Variants in TMEM272 observed in about 807,000 individuals in gnomAD.
TMEM272 encodes the protein long intergenic non-protein coding RNA 282.
TMEM272 carries 8 observed loss-of-function variants against 3.7 expected under a neutral mutation model. That is an observed-to-expected ratio of 2.17 (90% CI 1.27 to 3.91). The LOEUF is 3.91. TMEM272 is among the 30% of genes most tolerant of loss of function. The pLI, the probability that TMEM272 is intolerant of heterozygous loss-of-function variation, is 0.00. For missense variants in TMEM272, 166 were observed against 91.5 expected, an observed-to-expected ratio of 1.81 and a Z score of -3.32; for synonymous variants, 63 against 39.8, an observed-to-expected ratio of 1.58 and a Z score of -2.20.
chr13:51,822,703 G>A (rs1956090549), intron 3 of TMEM272, among the ~76,000 whole-genome samples: 1 of 152,174 alleles, frequency 6.6e-6, no homozygotes, highest in Non-Finnish European at 1.5e-5. Context: ...GCCACTCGCT[G>A]GACCCCATGC....
Position 51,817,074 on chromosome 13 carries a change from G to A in TMEM272, c.241C>T (p.Leu81=). The change falls in exon 5 of 5, where the codon CTG becomes TTG. Residue 81 remains leucine (L), a synonymous_variant. Transcript: ENST00000629372. The part of the protein sequence containing the change: ...LLYDSTRMRR[L]LSKAVVIDDD... ...TCAATCACCACGGCCTTGGACAGCA[G>A]CCGCCTCATCCTGGTGGAGTCGTAC... 2.8e-6 allele frequency: 2 copies of A among 702,966 alleles called. No homozygotes were observed. Among genetic ancestry groups the A allele is most frequent in the Non-Finnish European group, 5.2e-6 (2 of 384,972 alleles). The allele number at this position is 702,966 out of a possible 1,614,324, so 43.5% of individuals were successfully genotyped here.
At chr13:51,916,168 A>T in the TMEM272 span, among the ~76,000 whole-genome samples, 1 of 152,212 alleles carries the variant, frequency 6.6e-6, no homozygotes, top group East Asian at 1.9e-4. Context: ...ACCAATTACA[A>T]GTGAAATATT....
the TMEM272 span, among the ~76,000 whole-genome samples, chr13:51,891,262 T>C: frequency 6.6e-6 from 1 of 152,352 alleles, no homozygotes; most frequent in East Asian, 1.9e-4. Flanking sequence ...GAGAAAAGCC[T>C]TGATTTTTTT....
At chr13:51,865,800 C>A in the TMEM272 span, 1 of 1,614,050 alleles carries the variant, frequency 6.2e-7, no homozygotes, top group Non-Finnish European at 8.5e-7. Context: ...GAGGACAATG[C>A]CTTATGGGAA....
the TMEM272 span, among the ~76,000 whole-genome samples, chr13:51,861,731 G>A: frequency 1.3e-5 from 2 of 152,050 alleles, no homozygotes; most frequent in Non-Finnish European, 2.9e-5. Flanking sequence ...GATGAAAAAC[G>A]GCATCAAATC....
At chr13:51,845,598 G>T (rs1242612470), upstream of TMEM272, among the ~76,000 whole-genome samples, 1 of 152,210 alleles carries the variant, frequency 6.6e-6, no homozygotes, top group Non-Finnish European at 1.5e-5. Flanking sequence ...CAGACGGCCA[G>T]ATCTGAGATA....
the TMEM272 span, among the ~76,000 whole-genome samples, chr13:51,881,624 GGGGTCTTTAGGAGGTGACT>G: frequency 6.6e-6 from 1 of 152,100 alleles, no homozygotes; most frequent in Non-Finnish European, 1.5e-5. Context: ...AGCAGGAAGT[GGGGTCTTTAGGAGGTGACT>G]GGGTCATGAG....
At chr13:51,822,357 C>T (rs899541374) in intron 3 of TMEM272, among the ~76,000 whole-genome samples, 2 of 152,148 alleles carry the variant, frequency 1.3e-5, no homozygotes, top group Admixed American at 6.5e-5. Flanking sequence ...TAAATACTCC[C>T]GCAGACAGGG....
At chr13:51,827,185 C>T (rs1389403086) in intron 2 of TMEM272, among the ~76,000 whole-genome samples, 2 of 152,324 alleles carry the variant, frequency 1.3e-5, no homozygotes, top group Admixed American at 6.5e-5. Context: ...TATAATAGAG[C>T]TTTGAACTGG....
the TMEM272 span, among the ~76,000 whole-genome samples, chr13:51,907,451 C>T: frequency 6.6e-6 from 1 of 152,168 alleles, no homozygotes; most frequent in South Asian, 2.1e-4. Flanking sequence ...CAGCCTTCCA[C>T]AGGACTCACA....
the TMEM272 span, among the ~76,000 whole-genome samples, chr13:51,880,793 T>C: frequency 6.6e-6 from 1 of 152,158 alleles, no homozygotes. Flanking sequence ...AGCATCTAAC[T>C]GCCAGCTATG....
the TMEM272 span, among the ~76,000 whole-genome samples, chr13:51,897,434 G>T: frequency 8.4e-6 from 1 of 119,594 alleles, no homozygotes; most frequent in Non-Finnish European, 1.6e-5. Flanking sequence ...GGCTGATCTT[G>T]AACTCCTGGG....
the TMEM272 span, among the ~76,000 whole-genome samples, chr13:51,907,705 T>C: frequency 1.3e-5 from 2 of 152,382 alleles, no homozygotes; most frequent in South Asian, 4.1e-4. Flanking sequence ...CTGCATGGCA[T>C]AGTACTTTCC....
intron 4 of TMEM272, among the ~76,000 whole-genome samples, chr13:51,821,279 G>A (rs112187720): frequency 1.5e-4 from 23 of 152,326 alleles, no homozygotes; most frequent in African/African-American, 5.3e-4. Context: ...GGTGAGGTGG[G>A]CTTGGAAGAC....
chr13:51,911,045 T>A, the TMEM272 span, among the ~76,000 whole-genome samples: 125 of 152,214 alleles, frequency 8.2e-4, 1 homozygote, highest in Admixed American at 3.6e-3. Context: ...TTTAAGTCGC[T>A]AAGCTTTGGG....
intron 2 of TMEM272, among the ~76,000 whole-genome samples, chr13:51,829,989 T>C (rs9591433): frequency 0.17 from 26,266 of 152,168 alleles, 2,754 homozygotes; most frequent in East Asian, 0.5. Context: ...GGATGGGACA[T>C]TGAGACCAAG....
the TMEM272 span, among the ~76,000 whole-genome samples, chr13:51,853,347 T>C: frequency 6.6e-6 from 1 of 151,984 alleles, no homozygotes; most frequent in Non-Finnish European, 1.5e-5. Flanking sequence ...GAGGCAGAGG[T>C]TGCAGTGAGC....
chr13:51,845,992 T>G (rs1054508677), upstream of TMEM272, among the ~76,000 whole-genome samples: 3 of 152,192 alleles, frequency 2.0e-5, no homozygotes, highest in African/African-American at 7.2e-5. Flanking sequence ...AAAAGGCCAG[T>G]CTACTGGGGA....
chr13:51,897,566 G>C, the TMEM272 span, among the ~76,000 whole-genome samples: 1 of 151,294 alleles, frequency 6.6e-6, no homozygotes, highest in Non-Finnish European at 1.5e-5. Flanking sequence ...CCCTGGAGGG[G>C]GACTCTTATT....
Sources: allele counts gnomAD v4.1 joint callset (sites outside exome capture counted in the v4.1 genomes callset), GRCh38; gene constraint gnomAD v4.1.1; transcripts MANE v1.5; gene names NCBI Gene and HGNC (gene_info 2026-07-23, HGNC 2026-07-21).